Variants in SEPTIN4 observed in about 807,000 individuals in gnomAD.
SEPTIN4 encodes the protein septin 4.
SEPTIN4 carries 52 observed loss-of-function variants against 107.1 expected under a neutral mutation model. The ratio of observed to expected loss-of-function variants is 0.49; its 90% CI spans 0.39 to 0.61. The LOEUF (loss-of-function observed/expected upper bound fraction) is 0.61. Among genes scored for constraint, SEPTIN4 ranks in the 20% least tolerant of loss-of-function variants. The pLI is 0.00. For synonymous variants in SEPTIN4, 417 were observed against 467.0 expected (o/e 0.89, Z 1.38); for missense variants, 1,048 against 1,243.5 (o/e 0.84, Z 2.36).
chr17:58,524,780 C>G (rs1164400101), intron 7 of SEPTIN4: 2 of 262,804 alleles, frequency 7.6e-6, no homozygotes, highest in African/African-American at 4.5e-5. Flanking sequence ...GTTGCCCAGG[C>G]TGGCCTTGAA....
At chr17:58,541,480 C>T (rs1598321819) in intron 2 of SEPTIN4, 1 of 232,148 alleles carries the variant, frequency 4.3e-6, no homozygotes, top group East Asian at 1.1e-4. Context: ...CAATAAGTAC[C>T]CCAGGTGGTA....
intron 3 of SEPTIN4, chr17:58,532,046 CG>C: frequency 8.9e-7 from 1 of 1,120,142 alleles, no homozygotes; most frequent in Non-Finnish European, 1.1e-6. Flanking sequence ...CTCGCAGCAC[CG>C]CCGTCACCCT....
chr17:58,532,094 C>T, intron 3 of SEPTIN4: 1 of 1,075,126 alleles, frequency 9.3e-7, no homozygotes, highest in Non-Finnish European at 1.1e-6. Context: ...CGGGAGGGGC[C>T]CGGCGGCGGG....
chr17:58,536,492 T>A (rs1462054304), intron 3 of SEPTIN4, among the ~76,000 whole-genome samples: 2 of 152,070 alleles, frequency 1.3e-5, no homozygotes, highest in Non-Finnish European at 2.9e-5. Flanking sequence ...ACCTGTGGAG[T>A]CAGCTTCTCC....
intron 7 of SEPTIN4, among the ~76,000 whole-genome samples, chr17:58,522,654 C>CA (rs1233539293): frequency 0.025 from 1,339 of 52,544 alleles, 12 homozygotes; most frequent in South Asian, 0.071. Context: ...CAGACTGTCA[C>CA]AAAAAAAAAA....
chr17:58,520,628 C>T, intron 13 of SEPTIN4, 115 bp downstream of exon 13: 2 of 1,508,190 alleles, frequency 1.3e-6, no homozygotes, highest in South Asian at 1.1e-5. Context: ...CACCTATTGA[C>T]CTATCCAGGA....
chr17:58,527,841 C>A lies in SEPTIN4; in HGVS notation c.1615-863G>T, dbSNP rs1324932442. On this transcript the variant is annotated intron_variant, in intron 3 of 13. Coordinates refer to ENST00000672673, the MANE Select transcript of SEPTIN4 (RefSeq NM_001368771.2). ...GTCTCCTTACCCCCTCTGCCCAGAGCCGGCAGTGCACGAGAGGGCCTGGCC... is the reference window on the plus strand; with the variant it reads ...GTCTCCTTACCCCCTCTGCCCAGAGACGGCAGTGCACGAGAGGGCCTGGCC... 4.1e-6 allele frequency: 4 copies of A among 985,568 alleles called. No individual in the cohort carries two copies. In the African/African-American group the frequency reaches 5.2e-5, roughly 13 times the overall value. The allele number at this position is 985,568 out of a possible 1,614,324, so 61.1% of individuals were successfully genotyped here.
rs1266603629 is a variant in SEPTIN4, at chr17:58,526,302, C to T, written c.1923G>A (p.Glu641=). The change falls in exon 5 of 14, where the codon GAG becomes GAA. Residue 641 remains glutamate, a synonymous_variant. Transcript: ENST00000672673. The stretch of plus-strand genomic sequence containing the variant: ...TGGGGAGGGTTGCAAAGCCCACATA[C>T]TCCTTGTCATCCTAGTAGACAGGAA... The part of the protein sequence containing the change: ...DPYDSSEDDK[E]YVGFATLPNQ... 6.3e-7 allele frequency: 1 copy of T among 1,593,280 alleles called. No homozygotes were observed. Among genetic ancestry groups the T allele is most frequent in the Non-Finnish European group, 8.5e-7 (1 of 1,169,888 alleles).
At chr17:58,532,015 G>T (rs1214999619) in intron 3 of SEPTIN4, 36 of 1,135,006 alleles carry the variant, frequency 3.2e-5, no homozygotes, top group Non-Finnish European at 3.8e-5. Context: ...CGAGCGACCC[G>T]CGGCGGAGCT....
At chr17:58,526,353 C>T (rs763032215) in intron 4 of SEPTIN4, 40 bp from the exon 5 acceptor site, 18 of 1,476,894 alleles carry the variant, frequency 1.2e-5, no homozygotes, top group Non-Finnish European at 9.0e-6. Context: ...GGTGAGGAGC[C>T]AAAGGGGCCC....
At chr17:58,527,197 C>A in intron 3 of SEPTIN4, 1 of 863,394 alleles carries the variant, frequency 1.2e-6, no homozygotes, top group Non-Finnish European at 2.0e-6. Flanking sequence ...AGGAAGGGTC[C>A]CAGGGTCCAG....
chr17:58,532,925 A>G (rs1015926413), intron 3 of SEPTIN4, among the ~76,000 whole-genome samples: 1 of 152,202 alleles, frequency 6.6e-6, no homozygotes, highest in Non-Finnish European at 1.5e-5. Flanking sequence ...TGAGCTAAGT[A>G]GGGTCTGAGC....
chr17:58,529,235 G>C (rs1598297494), intron 3 of SEPTIN4: 2 of 1,614,022 alleles, frequency 1.2e-6, no homozygotes, highest in East Asian at 4.5e-5. Flanking sequence ...CCCAGGCAAA[G>C]TTCCTCACAC....
At position 58,522,076 on chromosome 17, in the gene SEPTIN4, C is replaced by A; in HGVS notation, c.2242G>T (p.Asp748Tyr). The A allele has an allele frequency of 6.2e-7, 1 of 1,614,172 alleles. No individual in the cohort carries two copies. Among genetic ancestry groups the A allele is most frequent in the Non-Finnish European group, 8.5e-7 (1 of 1,180,032 alleles). Residue 748 changes from aspartate (D) to tyrosine (Y), a missense_variant, in exon 8 of 14, where the codon GAT becomes TAT. Around this residue, in one of 2 missense-constraint regions of SEPTIN4, gnomAD observed 261 missense variants for 371.7 expected, o/e 0.70. Coordinates refer to ENST00000672673, the MANE Select transcript of SEPTIN4 (RefSeq NM_001368771.2). ...CGGAAATACTGCTCAAACTGCTGATCAATGTATTCTGCCACAGGCTTCCAG... is the reference window on the plus strand; with the variant it reads ...CGGAAATACTGCTCAAACTGCTGATAAATGTATTCTGCCACAGGCTTCCAG... ...ECWKPVAEYIDQQFEQYFRDE... is the reference protein window; with the variant it reads ...ECWKPVAEYIYQQFEQYFRDE...
intron 2 of SEPTIN4, 46 bp downstream of exon 2, chr17:58,541,876 T>C: frequency 6.2e-7 from 1 of 1,613,890 alleles, no homozygotes; most frequent in Non-Finnish European, 8.5e-7. Context: ...TGTCCTCCCA[T>C]CCCCCAAGCT....
Position 58,521,922 on chromosome 17 carries a change from T to C in SEPTIN4, c.2351+45A>G. On this transcript the variant is annotated intron_variant, in intron 8 of 13. Coordinates refer to ENST00000672673, the MANE Select transcript of SEPTIN4 (RefSeq NM_001368771.2). The surrounding 1 kb of genome is among the most constrained non-coding windows in gnomAD (Gnocchi z 6.4). ...CCCCTGGTGCTCTTGGCCTGTTCCC[T>C]TGACAGCACCCGGTGGTGCCAGGAG... 1 of 1,614,238 alleles carries C rather than the reference T, an allele frequency of 6.2e-7. No homozygotes were observed. Among genetic ancestry groups the C allele is most frequent in the Non-Finnish European group, 8.5e-7 (1 of 1,180,032 alleles).
chr17:58,525,020 C>T (rs917631071), intron 7 of SEPTIN4, 58 bp downstream of exon 7: 1 of 1,610,028 alleles, frequency 6.2e-7, no homozygotes, highest in African/African-American at 1.3e-5. Context: ...TACGTGTGTA[C>T]CTGTGTATGG....
intron 2 of SEPTIN4, 63 bp downstream of exon 2, chr17:58,541,859 C>A (rs774354204): frequency 6.2e-7 from 1 of 1,614,126 alleles, no homozygotes; most frequent in Admixed American, 1.7e-5. Flanking sequence ...AGATGCCACT[C>A]CTCACCTGTC....
chr17:58,540,583 C>T, intron 3 of SEPTIN4, 83 bp downstream of exon 3: 2 of 1,133,038 alleles, frequency 1.8e-6, no homozygotes, highest in African/African-American at 1.6e-5. Flanking sequence ...TCCATGCCCA[C>T]TCCCATTACA....
Sources: gnomAD v4.1 joint callset for allele counts (sites outside exome capture counted in the v4.1 genomes callset) on GRCh38, gnomAD v4.1.1 for gene constraint, gnomAD v4.1.1 regional missense constraint, Gnocchi (gnomAD v3.1) non-coding constraint, MANE v1.5 for transcripts, NCBI Gene and HGNC (gene_info 2026-07-23, HGNC 2026-07-21) for gene names.